Variants in PCDHA10 observed in about 807,000 individuals in gnomAD.
The protein encoded by PCDHA10 is protocadherin alpha-10.
A neutral mutation model predicts 61.2 loss-of-function variants in PCDHA10; 45 were observed. That is an observed-to-expected ratio of 0.74 (90% CI 0.58 to 0.94). The LOEUF is 0.94. Ranked by LOEUF, PCDHA10 falls within the 40% of genes least tolerant of loss-of-function variation. The pLI is 0.00. For missense variants in PCDHA10, 1,278 were observed against 1,236.2 expected (o/e 1.03, Z -0.51); for synonymous variants, 602 against 548.8 (o/e 1.10, Z -1.35).
In PCDHA10 at chr5:140,856,749, C is replaced by T. The variant is rs146132566; in HGVS notation, c.701C>T (p.Ala234Val). The T allele has an allele frequency of 1.3e-4, 214 of 1,595,860 alleles. 19 individuals carry two copies. In the Middle Eastern group the frequency reaches 4.3e-3, roughly 32 times the overall value. The change falls in exon 1 of 4, where the codon GCC becomes GTC. Residue 234 changes from alanine to valine, a missense_variant. Physicochemically the swap from Ala to Val is moderately conservative, Grantham distance 64. Transcript: ENST00000307360. ...SVSLLILVLD[A>V]NDNAPIFDRP... ...TCTCTGCTGATCCTGGTGTTAGATGCCAATGATAACGCCCCTATCTTTGAC... is the reference window on the plus strand; with the variant it reads ...TCTCTGCTGATCCTGGTGTTAGATGTCAATGATAACGCCCCTATCTTTGAC...
intron 1 of PCDHA10, among the ~76,000 whole-genome samples, chr5:140,915,711 C>T (rs1159509465): frequency 1.3e-5 from 2 of 151,812 alleles, no homozygotes; most frequent in African/African-American, 2.4e-5. Flanking sequence ...CTCCTGTGGC[C>T]CCCACTTTGG....
intron 1 of PCDHA10, among the ~76,000 whole-genome samples, chr5:140,950,547 TGGG>T (rs1385873509): frequency 6.6e-6 from 1 of 152,064 alleles, no homozygotes; most frequent in Non-Finnish European, 1.5e-5. Flanking sequence ...CTTGCATGGC[TGGG>T]GGGACACTTA....
intron 1 of PCDHA10, among the ~76,000 whole-genome samples, chr5:140,899,871 T>G (rs76112838): frequency 0.014 from 2,117 of 152,008 alleles, 43 homozygotes; most frequent in African/African-American, 0.049. Context: ...GCAGTGGTAT[T>G]AACAGAACTC....
At chr5:141,009,327 C>A (rs1445732436) in intron 3 of PCDHA10, among the ~76,000 whole-genome samples, 3 of 152,142 alleles carry the variant, frequency 2.0e-5, no homozygotes, top group Non-Finnish European at 2.9e-5. Context: ...GGCATGGGAG[C>A]TTGTGCCTGT....
At chr5:140,977,342 T>A (rs1554238451) in intron 1 of PCDHA10, among the ~76,000 whole-genome samples, 1 of 152,222 alleles carries the variant, frequency 6.6e-6, no homozygotes, top group South Asian at 2.1e-4. Context: ...GAGACGGTGA[T>A]GATGACTGAT....
At chr5:140,941,255 C>CTTTCTT (rs782490896) in intron 1 of PCDHA10, among the ~76,000 whole-genome samples, 957 of 44,428 alleles carry the variant, frequency 0.022, 12 homozygotes, top group African/African-American at 0.028. Flanking sequence ...TTCTTTCTTT[C>CTTTCTT]TCTTTCTTTC....
At chr5:140,870,692 T>C (rs1321391908) in intron 1 of PCDHA10, 2 of 1,612,828 alleles carry the variant, frequency 1.2e-6, no homozygotes, top group African/African-American at 1.3e-5. Flanking sequence ...CTGGAGCTGC[T>C]ACAGTTCCAG....
At chr5:140,871,519 A>C in intron 1 of PCDHA10, 1 of 1,554,010 alleles carries the variant, frequency 6.4e-7, no homozygotes, top group Non-Finnish European at 8.7e-7. Context: ...GATTCCACCT[A>C]TCAGGAAGTG....
At position 140,857,611 on chromosome 5, in the gene PCDHA10, G is replaced by A. The variant is rs987659739; in HGVS notation, c.1563G>A (p.Pro521=). ...AESGKVYALQ[P]LDHEELELLQ... ...GCGGCAAGGTGTACGCGCTGCAGCC[G>A]CTGGACCACGAGGAGCTGGAGCTGC... is the stretch of plus-strand genomic sequence containing the variant. The change falls in exon 1 of 4, where the codon CCG becomes CCA. Residue 521 remains proline (P), a synonymous_variant. Coordinates refer to ENST00000307360, the MANE Select transcript of PCDHA10 (RefSeq NM_018901.4). 1 of 1,596,436 alleles carries A rather than the reference G, an allele frequency of 6.3e-7. No individual in the cohort carries two copies. The highest frequency in any genetic ancestry group is 1.7e-5 in the Admixed American group (1 of 59,326).
At chr5:140,986,852 A>G (rs889945842) in intron 3 of PCDHA10, among the ~76,000 whole-genome samples, 1 of 152,190 alleles carries the variant, frequency 6.6e-6, no homozygotes, top group Admixed American at 6.5e-5. Flanking sequence ...CAGCAACACC[A>G]ACAATACCCG....
At chr5:140,950,551 G>T (rs1162032370) in intron 1 of PCDHA10, among the ~76,000 whole-genome samples, 1 of 151,932 alleles carries the variant, frequency 6.6e-6, no homozygotes, top group African/African-American at 2.4e-5. Context: ...CATGGCTGGG[G>T]GGACACTTAT....
chr5:140,974,709 C>T (rs1385583490), intron 1 of PCDHA10, among the ~76,000 whole-genome samples: 1 of 152,092 alleles, frequency 6.6e-6, no homozygotes, highest in Non-Finnish European at 1.5e-5. Flanking sequence ...CCATGTTGTT[C>T]AAGCTGCTCT....
chr5:140,891,311 T>C (rs563637309), intron 1 of PCDHA10, among the ~76,000 whole-genome samples: 1 of 152,216 alleles, frequency 6.6e-6, no homozygotes, highest in African/African-American at 2.4e-5. Context: ...ATTACATGAG[T>C]AAGTTCTTTG....
intron 1 of PCDHA10, among the ~76,000 whole-genome samples, chr5:140,956,692 C>T (rs246012): frequency 0.56 from 85,656 of 151,960 alleles, 24,760 homozygotes; most frequent in African/African-American, 0.69. Context: ...CCTCCTTTTC[C>T]ATTGTTTGGA....
chr5:140,948,318 A>G (rs1423632599), intron 1 of PCDHA10, among the ~76,000 whole-genome samples: 1 of 151,520 alleles, frequency 6.6e-6, no homozygotes, highest in Non-Finnish European at 1.5e-5. Flanking sequence ...TTGAGGGGTA[A>G]TGTTTTCATT....
At chr5:140,999,240 G>A (rs193018375) in intron 3 of PCDHA10, among the ~76,000 whole-genome samples, 1 of 152,340 alleles carries the variant, frequency 6.6e-6, no homozygotes, top group Non-Finnish European at 1.5e-5. Context: ...GGTGGTTAAA[G>A]TGGGAGTTGG....
rs782110139 is a variant in PCDHA10 at position 140,858,078 on chromosome 5, C to T, written c.2030C>T (p.Ala677Val). 6.3e-7 allele frequency: 1 copy of T among 1,597,798 alleles called. No individual in the cohort carries two copies. The highest frequency in any genetic ancestry group is 1.1e-5 in the South Asian group (1 of 90,532). ...SLVEGSQAPK[A>V]SSRASVGVAP... Reference sequence around the variant, plus strand: ...GTGGAGGGCAGCCAGGCACCCAAGGCCTCGTCGCGGGCTTCAGTGGGCGTG... The same window carrying T: ...GTGGAGGGCAGCCAGGCACCCAAGGTCTCGTCGCGGGCTTCAGTGGGCGTG... The change falls in exon 1 of 4, where the codon GCC becomes GTC. Residue 677 changes from alanine to valine, a missense_variant. Coordinates refer to ENST00000307360, the MANE Select transcript of PCDHA10 (RefSeq NM_018901.4).
In PCDHA10 at chr5:140,967,564, A is replaced by G. The variant is rs1554229677; in HGVS notation, c.2389-11385A>G. Reference sequence around the variant, plus strand: ...ACCAGTCCACTTATCGCGTCCAGCTACGGGAGGACTCACCCCCAGGCACAT... The same window carrying G: ...ACCAGTCCACTTATCGCGTCCAGCTGCGGGAGGACTCACCCCCAGGCACAT... On this transcript the variant is annotated intron_variant, in intron 1 of 3. Coordinates refer to ENST00000307360, the MANE Select transcript of PCDHA10 (RefSeq NM_018901.4). 10 of 1,614,070 alleles carry G rather than the reference A, an allele frequency of 6.2e-6. No individual in the cohort carries two copies. The Middle Eastern group carries it at 4.9e-4, about 80-fold the overall frequency.
At chr5:140,948,325 C>T (rs1554218520) in intron 1 of PCDHA10, among the ~76,000 whole-genome samples, 1 of 151,476 alleles carries the variant, frequency 6.6e-6, no homozygotes. Flanking sequence ...GTAATGTTTT[C>T]ATTAGGTTTT....
Sources: allele counts gnomAD v4.1 joint callset (sites outside exome capture counted in the v4.1 genomes callset), GRCh38; gene constraint gnomAD v4.1.1; transcripts MANE v1.5; gene names NCBI Gene and HGNC (gene_info 2026-07-23, HGNC 2026-07-21).